LHFPL3: variants seen among roughly 807,000 people sequenced by gnomAD.
The protein encoded by LHFPL3 is LHFPL tetraspan subfamily member 3.
A neutral mutation model predicts 19.3 loss-of-function variants in LHFPL3; 5 were observed. The ratio of observed to expected loss-of-function variants is 0.26; its 90% CI spans 0.14 to 0.54. LHFPL3 has a LOEUF of 0.54. Ranked by LOEUF, LHFPL3 falls within the 20% of genes least tolerant of loss-of-function variation. The pLI is 0.94. For missense variants in LHFPL3, 249 were observed against 307.4 expected, an observed-to-expected ratio of 0.81 and a Z score of 1.42; for synonymous variants, 133 against 126.2, an observed-to-expected ratio of 1.05 and a Z score of -0.36.
intron 1 of LHFPL3, among the ~76,000 whole-genome samples, chr7:104,639,509 TA>T (rs1278892124): frequency 6.6e-6 from 1 of 152,196 alleles, no homozygotes; most frequent in Non-Finnish European, 1.5e-5. Flanking sequence ...TATACATCTT[TA>T]AAAAATGCCA....
intron 1 of LHFPL3, among the ~76,000 whole-genome samples, chr7:104,645,650 T>TTTTA: frequency 1.1e-5 from 1 of 91,212 alleles, no homozygotes; most frequent in Middle Eastern, 4.4e-3. Context: ...CTCTATTGGG[T>TTTTA]TTTCTTTTTT....
rs1791685219 is a variant in LHFPL3, at chr7:104,864,592, A to T, written c.683-41595A>T. Among the ~76,000 whole-genome samples the T allele has an allele frequency of 3.3e-5, 5 of 151,838 alleles. No individual in the cohort carries two copies. The South Asian group carries it at 1.0e-3, about 31-fold the overall frequency. ...GGAGGGGCGCCCGCCATTGCAGACC[A>T]GGAAGCTTGAACTGGGTAGAGCCCA... is the stretch of plus-strand genomic sequence containing the variant. On this transcript the variant is annotated intron_variant, in intron 2 of 2. Transcript: ENST00000424859.
chr7:104,740,318 T>C (rs1195480668), intron 2 of LHFPL3, among the ~76,000 whole-genome samples: 1 of 152,216 alleles, frequency 6.6e-6, no homozygotes, highest in Non-Finnish European at 1.5e-5. Context: ...CATCCCATAA[T>C]GAACAACAAG....
At chr7:104,379,948 C>CATAG (rs1790795935) in intron 1 of LHFPL3, among the ~76,000 whole-genome samples, 1 of 152,288 alleles carries the variant, frequency 6.6e-6, no homozygotes, top group South Asian at 2.1e-4. Context: ...TAGAGCAGAA[C>CATAG]ATTGAATTCT....
At chr7:104,417,884 C>CTTTTTTTTTT (rs762794916) in intron 1 of LHFPL3, among the ~76,000 whole-genome samples, 2 of 117,762 alleles carry the variant, frequency 1.7e-5, no homozygotes, top group African/African-American at 6.8e-5. Flanking sequence ...TCTTCTTCTT[C>CTTTTTTTTTT]TTTTTTTTTT....
intron 1 of LHFPL3, chr7:104,667,708 G>A: frequency 2.9e-6 from 4 of 1,388,160 alleles, no homozygotes; most frequent in South Asian, 2.4e-5. Flanking sequence ...ACTTAGAGGA[G>A]TACTTAAAGA....
chr7:104,898,558 C>A (rs1792414227), intron 2 of LHFPL3, among the ~76,000 whole-genome samples: 1 of 152,202 alleles, frequency 6.6e-6, no homozygotes, highest in African/African-American at 2.4e-5. Flanking sequence ...AGTTAGGCTC[C>A]TGCCCTCACT....
intron 2 of LHFPL3, among the ~76,000 whole-genome samples, chr7:104,818,726 T>C (rs1790615946): frequency 6.6e-6 from 1 of 152,154 alleles, no homozygotes; most frequent in East Asian, 1.9e-4. Context: ...GTTTCACTAA[T>C]GTGTTGGGTT....
At chr7:104,856,783 A>G (rs1467774988) in intron 2 of LHFPL3, among the ~76,000 whole-genome samples, 1 of 152,214 alleles carries the variant, frequency 6.6e-6, no homozygotes, top group African/African-American at 2.4e-5. Context: ...GTAAGCATGT[A>G]TTGTGACCTG....
At chr7:104,401,422 A>G (rs979842684) in intron 1 of LHFPL3, among the ~76,000 whole-genome samples, 1 of 152,242 alleles carries the variant, frequency 6.6e-6, no homozygotes, top group African/African-American at 2.4e-5. Context: ...TTTTCATTAA[A>G]TAAACACACC....
At chr7:104,332,218 C>CTTTTTTTTTTTTTTTTTTTTTTTTTTTT (rs1562866567) in intron 1 of LHFPL3, among the ~76,000 whole-genome samples, 1 of 95,894 alleles carries the variant, frequency 1.0e-5, no homozygotes. Context: ...AATCCTATTT[C>CTTTTTTTTTTTTTTTTTTTTTTTTTTTT]TTTTCTTTTT....
At chr7:104,563,073 T>C (rs956978082) in intron 1 of LHFPL3, among the ~76,000 whole-genome samples, 14 of 152,194 alleles carry the variant, frequency 9.2e-5, no homozygotes, top group African/African-American at 3.1e-4. Flanking sequence ...GGAGAACCAC[T>C]GCTCTCTTCA....
chr7:104,852,090 T>A (rs751581480), intron 2 of LHFPL3, among the ~76,000 whole-genome samples: 2 of 151,982 alleles, frequency 1.3e-5, no homozygotes, highest in Non-Finnish European at 2.9e-5. Flanking sequence ...GGAAAGCAGA[T>A]ACCCCCCAAC....
At chr7:104,527,892 T>G (rs1794220296) in intron 1 of LHFPL3, among the ~76,000 whole-genome samples, 1 of 152,202 alleles carries the variant, frequency 6.6e-6, no homozygotes, top group South Asian at 2.1e-4. Context: ...CAAAACACTG[T>G]AACAAGGGCA....
chr7:104,680,452 G>A (rs1377086957), intron 1 of LHFPL3, among the ~76,000 whole-genome samples: 1 of 152,168 alleles, frequency 6.6e-6, no homozygotes, highest in Non-Finnish European at 1.5e-5. Flanking sequence ...GATTGTATGA[G>A]TGACATGAGC....
In LHFPL3 at chr7:104,482,878, T is replaced by C. The variant is rs897669268; in HGVS notation, c.445+153654T>C. On this transcript the variant is annotated intron_variant, in intron 1 of 2. Transcript: ENST00000424859. Reference sequence around the variant, plus strand: ...AAGATCTGAGAAGATATGCTCAGCATAATTCCTCACAAGGCCAAGTCTCCA... The same window carrying C: ...AAGATCTGAGAAGATATGCTCAGCACAATTCCTCACAAGGCCAAGTCTCCA... Among the ~76,000 whole-genome samples, 72 of 152,374 alleles carry C rather than the reference T, an allele frequency of 4.7e-4. 1 individual carries two copies. The highest frequency in any genetic ancestry group is 1.7e-3 in the African/African-American group (69 of 41,594).
At chr7:104,514,308 C>T (rs1340882479) in intron 1 of LHFPL3, among the ~76,000 whole-genome samples, 1 of 151,984 alleles carries the variant, frequency 6.6e-6, no homozygotes, top group African/African-American at 2.4e-5. Flanking sequence ...AAGTCAGCCT[C>T]TTAGGCTACC....
chr7:104,409,177 A>G (rs542647179), intron 1 of LHFPL3, among the ~76,000 whole-genome samples: 1 of 151,864 alleles, frequency 6.6e-6, no homozygotes, highest in Non-Finnish European at 1.5e-5. Context: ...CGCCCGGCCT[A>G]GTGTTGTAAT....
chr7:104,694,629 C>T (rs921773953), intron 1 of LHFPL3, among the ~76,000 whole-genome samples: 1 of 152,124 alleles, frequency 6.6e-6, no homozygotes, highest in East Asian at 1.9e-4. Context: ...TGGATGTCTA[C>T]CACTACCACC....
Sources: allele counts gnomAD v4.1 joint callset (sites outside exome capture counted in the v4.1 genomes callset), GRCh38; gene constraint gnomAD v4.1.1; transcripts MANE v1.5; gene names NCBI Gene and HGNC (gene_info 2026-07-23, HGNC 2026-07-21).